The following PAXBP1 variants were observed in gnomAD, a reference collection of about 807,000 sequenced individuals.
PAXBP1 encodes the protein PAX3 and PAX7 binding protein 1.
In PAXBP1, 44 loss-of-function variants were observed where a neutral mutation model predicts 119.9. That is an observed-to-expected ratio of 0.37 (90% CI 0.29 to 0.47). The LOEUF (loss-of-function observed/expected upper bound fraction) is 0.47, where lower values mean the gene tolerates loss of function less well. Among genes scored for constraint, PAXBP1 ranks in the 20% least tolerant of loss-of-function variants. The probability of loss-of-function intolerance (pLI) is 0.99; values close to 1 mark genes in which losing one functional copy is unlikely to be tolerated. For synonymous variants in PAXBP1, 393 were observed against 406.6 expected, an observed-to-expected ratio of 0.97 and a Z score of 0.40; for missense variants, 898 against 1,134.1, an observed-to-expected ratio of 0.79 and a Z score of 2.99.
At chr21:32,741,691 A>G in intron 15 of PAXBP1, 1 of 619,032 alleles carries the variant, frequency 1.6e-6, no homozygotes, top group Non-Finnish European at 2.9e-6. Context: ...AGGCAAAATT[A>G]AGAGTAATAT....
At chr21:32,750,835 A>C in intron 10 of PAXBP1, 82 bp downstream of exon 10, 1 of 1,015,632 alleles carries the variant, frequency 9.8e-7, no homozygotes, top group African/African-American at 1.6e-5. Context: ...GACCATGAAG[A>C]TTCAAATCAT....
chr21:32,745,425 C>T, intron 12 of PAXBP1, 149 bp downstream of exon 12: 1 of 1,114,130 alleles, frequency 9.0e-7, no homozygotes, highest in Non-Finnish European at 1.3e-6. Context: ...AAGAACCCCT[C>T]TGCCCTCTAG....
At chr21:32,754,307 T>G (rs1340264878) in intron 8 of PAXBP1, among the ~76,000 whole-genome samples, 3 of 152,178 alleles carry the variant, frequency 2.0e-5, no homozygotes, top group Non-Finnish European at 4.4e-5. Flanking sequence ...GAAGACCTAG[T>G]AAGAATCACT....
intron 8 of PAXBP1, among the ~76,000 whole-genome samples, chr21:32,752,937 G>T (rs1355704262): frequency 6.6e-6 from 1 of 151,730 alleles, no homozygotes; most frequent in Non-Finnish European, 1.5e-5. Flanking sequence ...TTTAAAAGTT[G>T]ACTTTTTTTT....
intron 15 of PAXBP1, among the ~76,000 whole-genome samples, chr21:32,741,126 A>G (rs1020862312): frequency 6.6e-6 from 1 of 152,218 alleles, no homozygotes; most frequent in African/African-American, 2.4e-5. Flanking sequence ...GGTTACTGGT[A>G]AGAACGCAAA....
intron 11 of PAXBP1, among the ~76,000 whole-genome samples, chr21:32,747,160 G>C (rs1369768068): frequency 6.6e-6 from 1 of 152,088 alleles, no homozygotes; most frequent in Non-Finnish European, 1.5e-5. Context: ...GTGATGGGTT[G>C]ATCTGTGCTG....
Position 32,748,678 on chromosome 21 carries a change from C to G in PAXBP1, c.1744G>C (p.Gly582Arg). The G allele has an allele frequency of 6.2e-7, 1 of 1,610,420 alleles. No individual in the cohort carries two copies. The highest frequency in any genetic ancestry group is 8.5e-7 in the Non-Finnish European group (1 of 1,177,962). The change falls in exon 11 of 18, where the codon GGC becomes CGC. Residue 582 changes from glycine to arginine, a missense_variant. Gly to Arg is a moderately radical substitution (Grantham distance 125). Transcript: ENST00000331923. ...TCAAGGACATCTTCAAAAACTTTGCCGGATTCTTTTGAAATTCGATCTAAA... is the reference window on the plus strand; with the variant it reads ...TCAAGGACATCTTCAAAAACTTTGCGGGATTCTTTTGAAATTCGATCTAAA... Reference protein sequence around the residue: ...LEKDRISKESGKVFEDVLESF... With the variant: ...LEKDRISKESRKVFEDVLESF...
rs748197981 is a variant in PAXBP1, at chr21:32,734,986, A to G, written c.2718T>C (p.Asn906=). 6 of 1,613,908 alleles carry G rather than the reference A, an allele frequency of 3.7e-6. No individual in the cohort carries two copies. Among genetic ancestry groups the G allele is most frequent in the South Asian group, 1.1e-5 (1 of 91,078 alleles). The change falls in exon 18 of 18, where the codon AAT becomes AAC. Residue 906 remains asparagine (N), a synonymous_variant. Transcript: ENST00000331923. Reference sequence around the variant, plus strand: ...CGATCAAAGACTTAAATTCTTTCACATTGTGGTCACTTGCAACAGACATAG... The same window carrying G: ...CGATCAAAGACTTAAATTCTTTCACGTTGTGGTCACTTGCAACAGACATAG... ...DHAMSVASDH[N]VKEFKSLIEG...
chr21:32,763,310 T>C (rs1050037087), intron 3 of PAXBP1, among the ~76,000 whole-genome samples: 1 of 152,338 alleles, frequency 6.6e-6, no homozygotes, highest in Non-Finnish European at 1.5e-5. Context: ...CCCCTCCTGC[T>C]AGACATTTTT....
intron 3 of PAXBP1, among the ~76,000 whole-genome samples, chr21:32,763,994 C>CA (rs5843566): frequency 0.029 from 2,925 of 101,636 alleles, 80 homozygotes; most frequent in African/African-American, 0.082. Context: ...CCTCAAAAAG[C>CA]AAAAAAAAAA....
At chr21:32,742,802 CTAT>C (rs1167928861) in intron 15 of PAXBP1, 2 of 314,834 alleles carry the variant, frequency 6.4e-6, no homozygotes, top group Non-Finnish European at 1.3e-5. Flanking sequence ...AATAACTGTT[CTAT>C]TATTAGTTAT....
intron 10 of PAXBP1, among the ~76,000 whole-genome samples, chr21:32,750,635 A>G (rs1239040870): frequency 6.6e-6 from 1 of 152,212 alleles, no homozygotes; most frequent in Non-Finnish European, 1.5e-5. Context: ...GCTGCCCTCA[A>G]GGACCTGACA....
intron 2 of PAXBP1, 126 bp downstream of exon 2, chr21:32,769,688 T>C: frequency 1.2e-6 from 1 of 837,616 alleles, no homozygotes; most frequent in Non-Finnish European, 1.9e-6. Flanking sequence ...ACTGTACTGC[T>C]ACTCAATAAG....
chr21:32,760,702 G>A (rs1265936951), intron 5 of PAXBP1, among the ~76,000 whole-genome samples: 2 of 152,120 alleles, frequency 1.3e-5, no homozygotes, highest in African/African-American at 4.8e-5. Flanking sequence ...CCAAGCTTCT[G>A]ACTCTGTAGG....
At chr21:32,737,577 T>C in intron 16 of PAXBP1, 169 bp from the exon 17 acceptor site, 1 of 508,944 alleles carries the variant, frequency 2.0e-6, no homozygotes. Flanking sequence ...CTACATTAAC[T>C]AAACCAATAT....
chr21:32,748,817 A>G, intron 10 of PAXBP1, 119 bp from the exon 11 acceptor site: 1 of 798,610 alleles, frequency 1.3e-6, no homozygotes. Context: ...TCATTAACAA[A>G]GGGCCAATTG....
chr21:32,760,500 G>A (rs1251948024), intron 5 of PAXBP1, among the ~76,000 whole-genome samples: 1 of 152,136 alleles, frequency 6.6e-6, no homozygotes, highest in Non-Finnish European at 1.5e-5. Context: ...TTATAACTGG[G>A]AAGATATTTT....
intron 12 of PAXBP1, 69 bp from the exon 13 acceptor site, chr21:32,744,982 T>G: frequency 2.7e-6 from 4 of 1,467,190 alleles, no homozygotes; most frequent in Non-Finnish European, 3.7e-6. Flanking sequence ...CAAGCAGACC[T>G]CTATTAATGC....
chr21:32,771,567 C>T lies in PAXBP1; in HGVS notation c.102G>A (p.Pro34=). 9 of 1,427,872 alleles carry T rather than the reference C, an allele frequency of 6.3e-6. No homozygotes were observed. Among genetic ancestry groups the T allele is most frequent in the South Asian group, 1.4e-5 (1 of 72,252 alleles). 88.5% of individuals were successfully genotyped at this position (1,427,872 alleles called of 1,614,324 possible). A position where few individuals can be genotyped will look rare whatever the true frequency, so the allele number is the denominator to read the frequency against. Reference sequence around the variant, plus strand: ...CCGCCTCTTCGCCCGTGCCCGGCGGCGGCAACAACGGCGGCGGCTCCTGCT... The same window carrying T: ...CCGCCTCTTCGCCCGTGCCCGGCGGTGGCAACAACGGCGGCGGCTCCTGCT... ...DEEQEPPPLL[P]PPGTGEEAGP... The change falls in exon 1 of 18, where the codon CCG becomes CCA. Residue 34 remains proline, a synonymous_variant. Transcript: ENST00000331923.
Sources: gnomAD v4.1 joint callset for allele counts (sites outside exome capture counted in the v4.1 genomes callset) on GRCh38, gnomAD v4.1.1 for gene constraint, MANE v1.5 for transcripts, NCBI Gene and HGNC (gene_info 2026-07-23, HGNC 2026-07-21) for gene names.